RAVER2: variants seen among roughly 807,000 people sequenced by gnomAD.
RAVER2 encodes the protein ribonucleoprotein PTB-binding 2.
In RAVER2, 46 loss-of-function variants were observed where a neutral mutation model predicts 78.1. The observed-to-expected ratio is 0.59, with a 90% CI of 0.46 to 0.75. The LOEUF is 0.75. RAVER2 is among the 30% of genes least tolerant of loss of function. The probability of loss-of-function intolerance (pLI) is 0.00; values close to 1 mark genes in which losing one functional copy is unlikely to be tolerated. For synonymous variants in RAVER2, 311 were observed against 313.3 expected, an observed-to-expected ratio of 0.99 and a Z score of 0.08; for missense variants, 793 against 837.5, an observed-to-expected ratio of 0.95 and a Z score of 0.66.
chr1:64,810,029 T>C (rs977399626), intron 9 of RAVER2, among the ~76,000 whole-genome samples: 8 of 152,236 alleles, frequency 5.3e-5, no homozygotes, highest in South Asian at 4.1e-4. Context: ...TTGTTTATTG[T>C]AAATAATGCT....
chr1:64,799,760 A>G (rs1435279287), intron 5 of RAVER2, among the ~76,000 whole-genome samples: 1 of 152,086 alleles, frequency 6.6e-6, no homozygotes, highest in Non-Finnish European at 1.5e-5. Context: ...TTTTCTTTGG[A>G]TAAATATTCA....
intron 5 of RAVER2, among the ~76,000 whole-genome samples, chr1:64,802,334 A>T (rs1052732165): frequency 2.0e-5 from 3 of 152,166 alleles, no homozygotes; most frequent in African/African-American, 7.2e-5. Context: ...TCTATTCAAG[A>T]TGGAGGCACT....
chr1:64,765,274 T>C (rs1455619296), intron 1 of RAVER2, among the ~76,000 whole-genome samples: 1 of 152,234 alleles, frequency 6.6e-6, no homozygotes, highest in African/African-American at 2.4e-5. Flanking sequence ...TGCACATGAA[T>C]GCAAGGGGAT....
chr1:64,754,162 A>G (rs1651785094), intron 1 of RAVER2, among the ~76,000 whole-genome samples: 1 of 152,200 alleles, frequency 6.6e-6, no homozygotes, highest in Non-Finnish European at 1.5e-5. Flanking sequence ...TCTTATTCCC[A>G]TTTGATTGCT....
At chr1:64,828,157 A>T (rs538921617) in intron 11 of RAVER2, among the ~76,000 whole-genome samples, 19 of 51,204 alleles carry the variant, frequency 3.7e-4, no homozygotes, top group African/African-American at 7.4e-4. Context: ...TTTCAAACCC[A>T]CCCCCCCCAC....
chr1:64,812,053 T>C (rs1653621547), intron 9 of RAVER2, among the ~76,000 whole-genome samples: 1 of 152,026 alleles, frequency 6.6e-6, no homozygotes, highest in African/African-American at 2.4e-5. Context: ...TCAGTAAAAA[T>C]ATTGATAACA....
chr1:64,826,690 T>G (rs1654010374), intron 11 of RAVER2, among the ~76,000 whole-genome samples: 1 of 152,180 alleles, frequency 6.6e-6, no homozygotes, highest in African/African-American at 2.4e-5. Context: ...ACTGTATTTA[T>G]AGTTTAACAT....
At chr1:64,824,223 C>G (rs975153328) in intron 11 of RAVER2, among the ~76,000 whole-genome samples, 1 of 152,186 alleles carries the variant, frequency 6.6e-6, no homozygotes, top group African/African-American at 2.4e-5. Flanking sequence ...AGGGATCTCC[C>G]CTGCCAGGAG....
chr1:64,781,636 A>G, intron 4 of RAVER2, 65 bp downstream of exon 4: 1 of 1,446,428 alleles, frequency 6.9e-7, no homozygotes, highest in Non-Finnish European at 9.3e-7. Flanking sequence ...ATTTTAATCT[A>G]TCCAGTCTAG....
exon 4 of RAVER2, chr1:64,781,464 G>A (rs755955641): frequency 1.2e-6 from 2 of 1,614,012 alleles, no homozygotes; most frequent in Non-Finnish European, 1.7e-6. Flanking sequence ...GGTCCAGCAG[G>A]CAGCAGACGG....
intron 9 of RAVER2, among the ~76,000 whole-genome samples, chr1:64,811,908 A>C (rs1428676150): frequency 6.6e-6 from 1 of 152,220 alleles, no homozygotes; most frequent in African/African-American, 2.4e-5. Flanking sequence ...TACATTTTCA[A>C]GAAATGTGTA....
At chr1:64,830,689 A>G in intron 11 of RAVER2, 150 bp from the exon 12 acceptor site, 2 of 669,870 alleles carry the variant, frequency 3.0e-6, no homozygotes, top group Non-Finnish European at 4.8e-6. Flanking sequence ...CTTATTTAAC[A>G]AAGGGGTTTG....
chr1:64,765,655 T>A (rs1652155453), intron 1 of RAVER2, among the ~76,000 whole-genome samples: 1 of 152,070 alleles, frequency 6.6e-6, no homozygotes, highest in Non-Finnish European at 1.5e-5. Context: ...AATGCAGAGG[T>A]GGATGCAAAT....
intron 1 of RAVER2, among the ~76,000 whole-genome samples, chr1:64,756,574 C>T (rs929950275): frequency 6.6e-6 from 1 of 152,144 alleles, no homozygotes; most frequent in African/African-American, 2.4e-5. Context: ...AAAGATAACA[C>T]ATAGAGTTCC....
At chr1:64,771,749 G>A (rs918618272) in intron 2 of RAVER2, among the ~76,000 whole-genome samples, 1 of 152,012 alleles carries the variant, frequency 6.6e-6, no homozygotes. Context: ...GATGTATACT[G>A]TAAACCTTAA....
chr1:64,774,199 A>G (rs1178041470), intron 2 of RAVER2, among the ~76,000 whole-genome samples: 1 of 152,156 alleles, frequency 6.6e-6, no homozygotes, highest in Non-Finnish European at 1.5e-5. Flanking sequence ...CCATTTGTCA[A>G]TTTTGGCTTT....
chr1:64,793,447 A>G (rs72918088), intron 5 of RAVER2, among the ~76,000 whole-genome samples: 4 of 152,136 alleles, frequency 2.6e-5, no homozygotes, highest in Non-Finnish European at 5.9e-5. Context: ...CAAAAATACA[A>G]TAAATATAAT....
intron 4 of RAVER2, among the ~76,000 whole-genome samples, chr1:64,785,433 G>A (rs925277495): frequency 1.4e-5 from 2 of 147,520 alleles, no homozygotes; most frequent in Admixed American, 7.0e-5. Context: ...GCAGTGGCAC[G>A]ATCTTGGCTC....
exon 12 of RAVER2, chr1:64,831,730 G>A (rs1654139891): frequency 6.6e-6 from 1 of 152,190 alleles, no homozygotes; most frequent in African/African-American, 2.4e-5. Context: ...CTGCCTGCAA[G>A]CTAAGACTAA....
Sources: gnomAD v4.1 joint callset for allele counts (sites outside exome capture counted in the v4.1 genomes callset) on GRCh38, gnomAD v4.1.1 for gene constraint, MANE v1.5 for transcripts, NCBI Gene and HGNC (gene_info 2026-07-23, HGNC 2026-07-21) for gene names.